The following SYNPR variants were observed in gnomAD, a reference collection of about 807,000 sequenced individuals.
The protein encoded by SYNPR is synaptoporin.
Under a neutral mutation model 32.9 loss-of-function variants are expected in SYNPR, and 23 were observed. That is an observed-to-expected ratio of 0.70 (90% CI 0.50 to 0.99). The LOEUF is 0.99. Ranked by LOEUF, SYNPR falls within the 50% of genes least tolerant of loss-of-function variation. The pLI is 0.00. For missense variants in SYNPR, 318 were observed against 349.3 expected, an observed-to-expected ratio of 0.91 and a Z score of 0.71; for synonymous variants, 146 against 135.9, an observed-to-expected ratio of 1.07 and a Z score of -0.52.
At chr3:63,251,692 T>G (rs147947059) in intron 1 of SYNPR, among the ~76,000 whole-genome samples, 2,210 of 152,118 alleles carry the variant, frequency 0.015, 54 homozygotes, top group African/African-American at 0.051. Flanking sequence ...GATCCCGGGA[T>G]GATCAGCAAA....
intron 2 of SYNPR, among the ~76,000 whole-genome samples, chr3:63,400,123 T>C (rs2107099773): frequency 6.6e-6 from 1 of 152,324 alleles, no homozygotes; most frequent in Non-Finnish European, 1.5e-5. Context: ...ATGCTGATAT[T>C]TGTATGAAAA....
chr3:63,496,737 T>G (rs1257254191), intron 3 of SYNPR, among the ~76,000 whole-genome samples: 2 of 152,132 alleles, frequency 1.3e-5, no homozygotes, highest in African/African-American at 2.4e-5. Context: ...CCAAAAAAAA[T>G]TTAAGAAGAA....
At chr3:63,473,155 C>T (rs536242268) in intron 2 of SYNPR, among the ~76,000 whole-genome samples, 2 of 152,108 alleles carry the variant, frequency 1.3e-5, no homozygotes, top group Admixed American at 6.5e-5. Context: ...CCTAAAACAC[C>T]CTTCTCCCTC....
the SYNPR span, among the ~76,000 whole-genome samples, chr3:63,205,930 GT>G: frequency 3.3e-5 from 5 of 152,092 alleles, no homozygotes; most frequent in Non-Finnish European, 7.4e-5. Flanking sequence ...TACTGAAGAA[GT>G]TTTTTTTCCA....
At chr3:63,394,565 G>A (rs1289141539) in intron 2 of SYNPR, among the ~76,000 whole-genome samples, 1 of 152,034 alleles carries the variant, frequency 6.6e-6, no homozygotes, top group East Asian at 1.9e-4. Context: ...GGCAAAATCT[G>A]TTACCTTTTC....
rs527827159 is a variant in SYNPR, at chr3:63,425,308, A to C, written c.85-55524A>C. Among the ~76,000 whole-genome samples, 19 of 152,328 alleles carry C rather than the reference A, an allele frequency of 1.2e-4. No individual in the cohort carries two copies. The Middle Eastern group carries it at 0.02, about 164-fold the overall frequency. ...AGTCAGCTGATTGGTGGTATACAGT[A>C]AACTTTATTCTGTATAGTTTTTGTG... On this transcript the variant is annotated intron_variant, in intron 2 of 5. Coordinates refer to ENST00000478300, the MANE Select transcript of SYNPR (RefSeq NM_001130003.2).
At chr3:63,502,970 A>G (rs755106866) in intron 3 of SYNPR, among the ~76,000 whole-genome samples, 9 of 152,126 alleles carry the variant, frequency 5.9e-5, no homozygotes, top group Admixed American at 1.3e-4. Context: ...ATAAGGTTTT[A>G]ATTCCTTTGG....
At chr3:63,567,218 G>C (rs1702805270) in intron 4 of SYNPR, among the ~76,000 whole-genome samples, 1 of 152,098 alleles carries the variant, frequency 6.6e-6, no homozygotes, top group Admixed American at 6.5e-5. Flanking sequence ...TCATGGTTTA[G>C]GGAAAGAGGG....
At chr3:63,262,705 A>G (rs1373347565) in intron 2 of SYNPR, among the ~76,000 whole-genome samples, 1 of 152,166 alleles carries the variant, frequency 6.6e-6, no homozygotes, top group Non-Finnish European at 1.5e-5. Context: ...CCACCAATGT[A>G]TGGAGACAGT....
intron 2 of SYNPR, among the ~76,000 whole-genome samples, chr3:63,433,638 G>A (rs937478087): frequency 2.6e-5 from 4 of 152,160 alleles, no homozygotes; most frequent in African/African-American, 9.7e-5. Context: ...CTGCTTCGTG[G>A]TGGCTTCACC....
chr3:63,316,621 C>G (rs965923728), intron 2 of SYNPR, among the ~76,000 whole-genome samples: 1 of 151,872 alleles, frequency 6.6e-6, no homozygotes, highest in Non-Finnish European at 1.5e-5. Flanking sequence ...TGGATTTTCT[C>G]TCTTCTTTTC....
chr3:63,615,203 T>C (rs374445147), intron 5 of SYNPR, 21 bp from the exon 6 acceptor site: 322 of 1,609,484 alleles, frequency 2.0e-4, no homozygotes, highest in Non-Finnish European at 2.5e-4. Context: ...TATCAATTCA[T>C]TGGCTTTGAT....
At chr3:63,523,868 C>T (rs1477248519) in intron 3 of SYNPR, among the ~76,000 whole-genome samples, 1 of 152,096 alleles carries the variant, frequency 6.6e-6, no homozygotes, top group Non-Finnish European at 1.5e-5. Flanking sequence ...TTAGGATGAA[C>T]AGCCAGATAA....
At chr3:63,331,047 A>T (rs2087224256) in intron 2 of SYNPR, among the ~76,000 whole-genome samples, 1 of 152,200 alleles carries the variant, frequency 6.6e-6, no homozygotes, top group African/African-American at 2.4e-5. Flanking sequence ...CATTGTAAGG[A>T]AGGTATTGGC....
chr3:63,374,591 G>T (rs1230717985), intron 2 of SYNPR, among the ~76,000 whole-genome samples: 2 of 151,978 alleles, frequency 1.3e-5, no homozygotes, highest in South Asian at 4.1e-4. Context: ...TAAAATAAAA[G>T]TTAAAAAAAG....
At chr3:63,408,331 A>G (rs1198715193) in intron 2 of SYNPR, among the ~76,000 whole-genome samples, 74 of 127,344 alleles carry the variant, frequency 5.8e-4, no homozygotes, top group Admixed American at 2.1e-3. Context: ...AAAGAAAGAA[A>G]GAAAGAAAGA....
intron 2 of SYNPR, among the ~76,000 whole-genome samples, chr3:63,352,942 G>A (rs2087529209): frequency 6.6e-6 from 1 of 152,162 alleles, no homozygotes; most frequent in Non-Finnish European, 1.5e-5. Flanking sequence ...ATGACATGTG[G>A]GAATTATGGG....
intron 3 of SYNPR, chr3:63,545,425 T>C (rs191712631): frequency 6.6e-6 from 1 of 152,090 alleles, no homozygotes; most frequent in Non-Finnish European, 1.5e-5. Context: ...TGAGGCTATT[T>C]AGAAAATTAT....
chr3:63,502,285 G>A (rs1009201851), intron 3 of SYNPR, among the ~76,000 whole-genome samples: 1 of 152,052 alleles, frequency 6.6e-6, no homozygotes, highest in Non-Finnish European at 1.5e-5. Context: ...GGAAAGTACA[G>A]AGATTTCTCA....
Sources: gnomAD v4.1 joint callset for allele counts (sites outside exome capture counted in the v4.1 genomes callset) on GRCh38, gnomAD v4.1.1 for gene constraint, MANE v1.5 for transcripts, NCBI Gene and HGNC (gene_info 2026-07-23, HGNC 2026-07-21) for gene names.